The following ADGRL3 variants were observed in gnomAD, a reference collection of about 807,000 sequenced individuals.
ADGRL3 encodes adhesion G protein-coupled receptor L3, also known as calcium-independent alpha-latrotoxin receptor 3.
A neutral mutation model predicts 153.5 loss-of-function variants in ADGRL3; 62 were observed. The ratio of observed to expected loss-of-function variants is 0.40; its 90% CI spans 0.33 to 0.50. The LOEUF (loss-of-function observed/expected upper bound fraction) is 0.50, where lower values mean the gene tolerates loss of function less well. ADGRL3 is among the 20% of genes least tolerant of loss of function. The probability of loss-of-function intolerance (pLI) is 0.47; values close to 1 mark genes in which losing one functional copy is unlikely to be tolerated. For synonymous variants in ADGRL3, 710 were observed against 672.5 expected, an observed-to-expected ratio of 1.06 and a Z score of -0.86; for missense variants, 1,641 against 1,859.4, an observed-to-expected ratio of 0.88 and a Z score of 2.16.
intron 23 of ADGRL3, among the ~76,000 whole-genome samples, chr4:62,037,440 T>A (rs1400480397): frequency 6.6e-6 from 1 of 152,070 alleles, no homozygotes; most frequent in Admixed American, 6.6e-5. Context: ...TAAGTATATG[T>A]TCTTGGAACT....
chr4:61,241,695 T>C (rs1755030974), intron 1 of ADGRL3, among the ~76,000 whole-genome samples: 1 of 152,068 alleles, frequency 6.6e-6, no homozygotes, highest in Non-Finnish European at 1.5e-5. Context: ...TTATCACTTG[T>C]TTACAACTTA....
chr4:61,756,100 C>T (rs565110882), intron 8 of ADGRL3, among the ~76,000 whole-genome samples: 21 of 152,198 alleles, frequency 1.4e-4, no homozygotes, highest in South Asian at 8.3e-4. Context: ...CTTGGCAATG[C>T]GGGCTCTTTT....
At chr4:61,824,246 T>C (rs1409174196) in intron 9 of ADGRL3, among the ~76,000 whole-genome samples, 1 of 152,186 alleles carries the variant, frequency 6.6e-6, no homozygotes, top group Non-Finnish European at 1.5e-5. Flanking sequence ...TAATTTTTTG[T>C]GTGCTTGTTG....
intron 9 of ADGRL3, among the ~76,000 whole-genome samples, chr4:61,887,602 T>G (rs1447305949): frequency 3.9e-5 from 6 of 152,060 alleles, no homozygotes; most frequent in Non-Finnish European, 2.9e-5. Context: ...ATCCCAACAC[T>G]TTGGGAGGCC....
chr4:61,984,417 C>G (rs576383308), intron 19 of ADGRL3, among the ~76,000 whole-genome samples: 8 of 152,144 alleles, frequency 5.3e-5, no homozygotes, highest in Admixed American at 4.6e-4. Context: ...TTTCAAAACA[C>G]CATCAGTGGC....
intron 4 of ADGRL3, among the ~76,000 whole-genome samples, chr4:61,552,628 TA>T (rs1302449173): frequency 6.6e-6 from 1 of 152,064 alleles, no homozygotes; most frequent in African/African-American, 2.4e-5. Flanking sequence ...CATGCTTGGC[TA>T]ATTTTTTATT....
At chr4:61,511,603 T>G (rs1311051790) in intron 3 of ADGRL3, among the ~76,000 whole-genome samples, 1 of 152,216 alleles carries the variant, frequency 6.6e-6, no homozygotes, top group Admixed American at 6.5e-5. Flanking sequence ...TGGAGAAAAT[T>G]AATGAGGAAC....
intron 2 of ADGRL3, among the ~76,000 whole-genome samples, chr4:61,436,932 G>C (rs2097455072): frequency 1.3e-5 from 2 of 151,930 alleles, no homozygotes; most frequent in Admixed American, 1.3e-4. Context: ...ATTTGGGATT[G>C]ATCAGCCCAT....
intron 1 of ADGRL3, among the ~76,000 whole-genome samples, chr4:61,227,762 A>G (rs989833796): frequency 3.9e-5 from 6 of 152,206 alleles, no homozygotes; most frequent in Non-Finnish European, 7.4e-5. Flanking sequence ...ATTGTTAAAC[A>G]CAGTCGACAT....
intron 3 of ADGRL3, among the ~76,000 whole-genome samples, chr4:61,516,305 G>C (rs1335288386): frequency 6.6e-6 from 1 of 151,868 alleles, no homozygotes; most frequent in Non-Finnish European, 1.5e-5. Flanking sequence ...TTTCTCTCCT[G>C]TTTAATGTTA....
chr4:61,745,763 T>A (rs938243655), intron 8 of ADGRL3, among the ~76,000 whole-genome samples: 5 of 152,082 alleles, frequency 3.3e-5, no homozygotes, highest in Non-Finnish European at 7.3e-5. Flanking sequence ...TCATGCCAAA[T>A]TGTAAAGACC....
At chr4:61,644,847 T>C (rs886794534) in intron 5 of ADGRL3, among the ~76,000 whole-genome samples, 1 of 152,050 alleles carries the variant, frequency 6.6e-6, no homozygotes, top group African/African-American at 2.4e-5. Flanking sequence ...CCTTGTTGAC[T>C]TTCTGTCTCG....
At chr4:61,316,831 A>C (rs1560465642) in intron 1 of ADGRL3, among the ~76,000 whole-genome samples, 1 of 152,172 alleles carries the variant, frequency 6.6e-6, no homozygotes, top group South Asian at 2.1e-4. Flanking sequence ...TTTGCTAACA[A>C]CATGTTAAGT....
At chr4:61,813,693 T>G in intron 8 of ADGRL3, 116 bp from the exon 9 acceptor site, 1 of 1,232,932 alleles carries the variant, frequency 8.1e-7, no homozygotes, top group African/African-American at 1.5e-5. Flanking sequence ...TGTCTACTCT[T>G]TAATTTAGGC....
chr4:61,230,300 C>A (rs1029687249), intron 1 of ADGRL3, among the ~76,000 whole-genome samples: 4 of 152,092 alleles, frequency 2.6e-5, no homozygotes, highest in African/African-American at 7.2e-5. Context: ...CACTTGAGTT[C>A]TTTTAGATTG....
chr4:61,293,841 T>C (rs1428442757), intron 1 of ADGRL3, among the ~76,000 whole-genome samples: 6 of 152,188 alleles, frequency 3.9e-5, no homozygotes, highest in Non-Finnish European at 7.3e-5. Flanking sequence ...CTAATTATGT[T>C]ACCTGGAGCA....
chr4:61,568,990 AC>A (rs1481059528), intron 4 of ADGRL3, among the ~76,000 whole-genome samples: 20 of 152,102 alleles, frequency 1.3e-4, no homozygotes, highest in African/African-American at 4.8e-4. Flanking sequence ...ATTTTGATGA[AC>A]CAGAATAGAA....
At chr4:61,204,002 T>A (rs1405890380) in intron 1 of ADGRL3, among the ~76,000 whole-genome samples, 1 of 152,190 alleles carries the variant, frequency 6.6e-6, no homozygotes, top group African/African-American at 2.4e-5. Context: ...GTGAAACTGC[T>A]TTTTACTTTC....
At chr4:61,580,472 A>G (rs2098919660) in intron 4 of ADGRL3, among the ~76,000 whole-genome samples, 1 of 152,092 alleles carries the variant, frequency 6.6e-6, no homozygotes, top group Admixed American at 6.6e-5. Context: ...TCTATCTAAC[A>G]GTTTCAGTGT....
Sources: gnomAD v4.1 joint callset for allele counts (sites outside exome capture counted in the v4.1 genomes callset) on GRCh38, gnomAD v4.1.1 for gene constraint, MANE v1.5 for transcripts, NCBI Gene and HGNC (gene_info 2026-07-23, HGNC 2026-07-21) for gene names.